The following MIB1 variants were observed in gnomAD, a reference collection of about 807,000 sequenced individuals.
MIB1 encodes E3 ubiquitin-protein ligase MIB1.
MIB1 carries 278 observed loss-of-function variants against 124.5 expected under a neutral mutation model. That is an observed-to-expected ratio of 2.23 (90% confidence interval 2.02 to 2.47). The LOEUF (loss-of-function observed/expected upper bound fraction) is 2.47, where lower values mean the gene tolerates loss of function less well. Ranked by LOEUF, MIB1 falls within the 30% of genes most tolerant of loss-of-function variation. MIB1 has a pLI of 0.00. For missense variants in MIB1, 957 were observed against 1,254.4 expected (o/e 0.76, Z 3.58); for synonymous variants, 446 against 429.4 (o/e 1.04, Z -0.48).
intron 6 of MIB1, among the ~76,000 whole-genome samples, chr18:21,781,540 A>G (rs2041368344): frequency 1.3e-5 from 2 of 151,024 alleles, no homozygotes; most frequent in South Asian, 2.1e-4. Context: ...CAGCCTCCCA[A>G]GTAGCTGGGA....
intron 12 of MIB1, among the ~76,000 whole-genome samples, chr18:21,837,574 G>A (rs1438939494): frequency 1.3e-5 from 2 of 152,052 alleles, no homozygotes; most frequent in Non-Finnish European, 1.5e-5. Context: ...AATTTTAGAG[G>A]TTCTTCAATC....
At chr18:21,709,490 C>T (rs2040656410) in intron 1 of MIB1, among the ~76,000 whole-genome samples, 1 of 152,114 alleles carries the variant, frequency 6.6e-6, no homozygotes, top group Admixed American at 6.6e-5. Context: ...CACTTCTGCC[C>T]CCTCACTACA....
intron 20 of MIB1, 92 bp from the exon 21 acceptor site, chr18:21,864,434 A>G (rs1297833911): frequency 2.9e-6 from 3 of 1,047,078 alleles, no homozygotes; most frequent in African/African-American, 3.2e-5. Flanking sequence ...TTATTTGACT[A>G]AAACAACTAA....
intron 16 of MIB1, among the ~76,000 whole-genome samples, chr18:21,847,557 TG>T (rs538933578): frequency 1.6e-4 from 24 of 152,362 alleles, no homozygotes; most frequent in Admixed American, 2.6e-4. Flanking sequence ...CTTAAACTCC[TG>T]GGCTCAAGCA....
intron 12 of MIB1, among the ~76,000 whole-genome samples, chr18:21,824,927 T>C (rs904160150): frequency 2.0e-5 from 3 of 152,120 alleles, no homozygotes; most frequent in Non-Finnish European, 4.4e-5. Flanking sequence ...AAGGAGAATA[T>C]TGTGTGTATA....
At chr18:21,745,444 C>T (rs936208368) in intron 1 of MIB1, among the ~76,000 whole-genome samples, 2 of 152,154 alleles carry the variant, frequency 1.3e-5, no homozygotes, top group African/African-American at 4.8e-5. Flanking sequence ...CCAGATGTCC[C>T]CTAGTGGGGG....
intron 1 of MIB1, among the ~76,000 whole-genome samples, chr18:21,745,220 G>A (rs949843268): frequency 1.3e-5 from 2 of 152,240 alleles, no homozygotes; most frequent in East Asian, 3.8e-4. Flanking sequence ...AAAGTAAGTT[G>A]CAAAAGAAAA....
At chr18:21,823,088 G>A (rs2041893344) in intron 12 of MIB1, among the ~76,000 whole-genome samples, 1 of 152,030 alleles carries the variant, frequency 6.6e-6, no homozygotes, top group African/African-American at 2.4e-5. Flanking sequence ...ACAAAAATCA[G>A]CTGGGTGTAG....
At position 21,815,046 on chromosome 18, in the gene MIB1, TATATATATATAA is replaced by T. The variant is rs1214783249; in HGVS notation, c.1480-568_1480-557del. Among the ~76,000 whole-genome samples the T allele has an allele frequency of 4.7e-4, 60 of 128,978 alleles. 1 individual carries two copies. Among genetic ancestry groups the T allele is most frequent in the Non-Finnish European group, 8.3e-4 (51 of 61,426 alleles). The allele number at this position is 128,978 out of a possible 152,430, so 84.6% of individuals were successfully genotyped here. A position where few individuals can be genotyped will look rare whatever the true frequency, so the allele number is the denominator to read the frequency against. Reference sequence around the variant, plus strand: ...ATATATATATATATATATATATATATATATATATATAAAATTATATATAAATGTATATATATA... The same window carrying T: ...ATATATATATATATATATATATATATAATTATATATAAATGTATATATATA... On this transcript the variant is annotated intron_variant, in intron 10 of 20. Coordinates refer to ENST00000261537, the MANE Select transcript of MIB1 (RefSeq NM_020774.4).
In MIB1 at chr18:21,815,011, TTATATATATATATATATATATATATATA is replaced by T. The variant is rs60363843; in HGVS notation, c.1480-586_1480-559del. Among the ~76,000 whole-genome samples, 51 of 52,654 alleles carry T rather than the reference TTATATATATATATATATATATATATATA, an allele frequency of 9.7e-4. 2 individuals are homozygous for T. Among genetic ancestry groups the T allele is most frequent in the East Asian group, 4.8e-3 (6 of 1,262 alleles). 34.5% of individuals were successfully genotyped at this position (52,654 alleles called of 152,430 possible). On this transcript the variant is annotated intron_variant, in intron 10 of 20. Coordinates refer to ENST00000261537, the MANE Select transcript of MIB1 (RefSeq NM_020774.4). Reference sequence around the variant, plus strand: ...ATGCTGAAAGTTCAAGCTGTTGGTTTTATATATATATATATATATATATATATATATATATATATATATATAAAATTAT... The same window carrying T: ...ATGCTGAAAGTTCAAGCTGTTGGTTTTATATATATATATATATAAAATTAT...
At chr18:21,851,153 A>G (rs1353389310) in intron 17 of MIB1, among the ~76,000 whole-genome samples, 1 of 152,158 alleles carries the variant, frequency 6.6e-6, no homozygotes, top group East Asian at 1.9e-4. Context: ...TTATTCTTAT[A>G]AAAGCTGCAG....
intron 1 of MIB1, among the ~76,000 whole-genome samples, chr18:21,748,858 G>A (rs1485080843): frequency 1.3e-5 from 2 of 150,282 alleles, no homozygotes; most frequent in East Asian, 2.0e-4. Flanking sequence ...TCAGCCTCCC[G>A]AGTAGCTAGG....
chr18:21,753,038 C>T (rs1490289765), intron 1 of MIB1, among the ~76,000 whole-genome samples: 9 of 151,998 alleles, frequency 5.9e-5, no homozygotes, highest in Admixed American at 5.2e-4. Context: ...CTGCCCCCTC[C>T]CTACCCCAAT....
At chr18:21,706,974 C>T (rs2040641521) in intron 1 of MIB1, among the ~76,000 whole-genome samples, 1 of 152,246 alleles carries the variant, frequency 6.6e-6, no homozygotes, top group South Asian at 2.1e-4. Context: ...GCCAGCTGGG[C>T]TCCTGAGTCT....
chr18:21,737,350 C>T (rs575779872), upstream of MIB1, among the ~76,000 whole-genome samples: 1 of 152,182 alleles, frequency 6.6e-6, no homozygotes, highest in Admixed American at 6.5e-5. Flanking sequence ...TTTGTCACCA[C>T]CAGGCCTGCC....
chr18:21,797,338 A>G (rs1008306313), intron 7 of MIB1, among the ~76,000 whole-genome samples: 1 of 152,148 alleles, frequency 6.6e-6, no homozygotes, highest in East Asian at 1.9e-4. Flanking sequence ...GAAATTTTCC[A>G]TAATAAAAAG....
intron 12 of MIB1, among the ~76,000 whole-genome samples, chr18:21,820,468 G>T (rs1373027906): frequency 6.6e-6 from 1 of 152,130 alleles, no homozygotes; most frequent in Non-Finnish European, 1.5e-5. Flanking sequence ...ATCACCACTA[G>T]AGGGTGACCA....
intron 12 of MIB1, among the ~76,000 whole-genome samples, chr18:21,834,555 G>C (rs2042009830): frequency 6.6e-6 from 1 of 152,186 alleles, no homozygotes; most frequent in Non-Finnish European, 1.5e-5. Context: ...ATGGCATGTT[G>C]ATAGTATGTA....
intron 1 of MIB1, among the ~76,000 whole-genome samples, chr18:21,753,403 G>A (rs927979685): frequency 6.6e-6 from 1 of 152,018 alleles, no homozygotes; most frequent in East Asian, 1.9e-4. Flanking sequence ...GGCCAGGCAG[G>A]TCTTGAACTC....
Sources: allele counts gnomAD v4.1 joint callset (sites outside exome capture counted in the v4.1 genomes callset), GRCh38; gene constraint gnomAD v4.1.1; transcripts MANE v1.5; gene names NCBI Gene and HGNC (gene_info 2026-07-23, HGNC 2026-07-21).